Variants in CNTN5 observed in about 807,000 individuals in gnomAD.
CNTN5 encodes contactin 5.
In CNTN5, 77 loss-of-function variants were observed where a neutral mutation model predicts 129.1. That is an observed-to-expected ratio of 0.60 (90% CI 0.50 to 0.72). CNTN5 has a LOEUF of 0.72. Among genes scored for constraint, CNTN5 ranks in the 30% least tolerant of loss-of-function variants. CNTN5 has a pLI of 0.00. For missense variants in CNTN5, 1,478 were observed against 1,328.8 expected, an observed-to-expected ratio of 1.11 and a Z score of -1.75; for synonymous variants, 509 against 465.6, an observed-to-expected ratio of 1.09 and a Z score of -1.20.
intron 1 of CNTN5, among the ~76,000 whole-genome samples, chr11:99,129,617 A>G (rs1027178777): frequency 6.6e-6 from 1 of 152,154 alleles, no homozygotes; most frequent in East Asian, 1.9e-4. Context: ...AGAGAAACCC[A>G]GTAAGATATT....
chr11:99,157,704 C>A (rs1004601212), intron 1 of CNTN5, among the ~76,000 whole-genome samples: 9 of 152,124 alleles, frequency 5.9e-5, no homozygotes, highest in Admixed American at 5.9e-4. Flanking sequence ...TCTTAAGCTA[C>A]ATTTCTCAGT....
chr11:100,025,070 C>T (rs1941353521), intron 9 of CNTN5, among the ~76,000 whole-genome samples: 1 of 152,176 alleles, frequency 6.6e-6, no homozygotes, highest in Non-Finnish European at 1.5e-5. Flanking sequence ...GAGGTCTTCA[C>T]TGCAACCCTT....
At chr11:99,076,040 A>G (rs1402793298) in intron 1 of CNTN5, among the ~76,000 whole-genome samples, 2 of 152,106 alleles carry the variant, frequency 1.3e-5, no homozygotes, top group African/African-American at 2.4e-5. Context: ...AATACGAACT[A>G]CTTTACTTTT....
rs183026562 is a variant in CNTN5, at chr11:99,987,276, T to A, written c.878-14758T>A. 3.8e-3 allele frequency among the ~76,000 whole-genome samples: 572 copies of A among 152,074 alleles called. 3 individuals are homozygous for A. The highest frequency in any genetic ancestry group is 0.013 in the African/African-American group (550 of 41,514). On this transcript the variant is annotated intron_variant, in intron 8 of 24. Transcript: ENST00000524871. ...ATGTGGTTCCTGTCCTGGTTTAGTTTACAGCTAAAAGTGAAAACAGATATG... is the reference window on the plus strand; with the variant it reads ...ATGTGGTTCCTGTCCTGGTTTAGTTAACAGCTAAAAGTGAAAACAGATATG...
chr11:99,218,644 T>C (rs1860248532), intron 1 of CNTN5, among the ~76,000 whole-genome samples: 1 of 152,150 alleles, frequency 6.6e-6, no homozygotes, highest in African/African-American at 2.4e-5. Context: ...ATTTGGGTTT[T>C]GGGATAAAGA....
chr11:99,520,034 C>T (rs927870943), intron 2 of CNTN5, among the ~76,000 whole-genome samples: 1 of 152,066 alleles, frequency 6.6e-6, no homozygotes, highest in African/African-American at 2.4e-5. Flanking sequence ...GTTCACTGAA[C>T]CAGAATATTT....
intron 1 of CNTN5, among the ~76,000 whole-genome samples, chr11:99,172,531 A>G (rs1232805592): frequency 6.6e-6 from 1 of 152,224 alleles, no homozygotes; most frequent in Non-Finnish European, 1.5e-5. Flanking sequence ...TCATTGATAC[A>G]TTAACATCTC....
Position 99,253,802 on chromosome 11 carries a change from A to T in CNTN5, c.-209-71544A>T, listed in dbSNP as rs902238347. ...AGTTGATTGTATGTGTTTACTTTGC[A>T]CCCAGCAACTTTTATAAAACTCATT... On this transcript the variant is annotated intron_variant, in intron 1 of 24. Transcript: ENST00000524871. 2.0e-5 allele frequency among the ~76,000 whole-genome samples: 3 copies of T among 150,938 alleles called. No homozygotes were observed. In the East Asian group the frequency reaches 5.8e-4, roughly 29 times the overall value.
At chr11:99,844,633 C>T in intron 4 of CNTN5, 1 of 523,846 alleles carries the variant, frequency 1.9e-6, no homozygotes, top group Middle Eastern at 3.6e-4. Flanking sequence ...TTATGTATTA[C>T]ACGTTTAACA....
Position 99,185,755 on chromosome 11 carries a change from A to G in CNTN5, c.-209-139591A>G, listed in dbSNP as rs186683346. On this transcript the variant is annotated intron_variant, in intron 1 of 24. Coordinates refer to ENST00000524871, the MANE Select transcript of CNTN5 (RefSeq NM_014361.4). ...TATTTTTCTCTTTGGTGAAAAAAGG[A>G]GGGGAAATAAAATAAAGAGAAATGT... Among the ~76,000 whole-genome samples, 957 of 151,868 alleles carry G rather than the reference A, an allele frequency of 6.3e-3. 7 individuals carry two copies. Among genetic ancestry groups the G allele is most frequent in the African/African-American group, 0.022 (925 of 41,532 alleles).
chr11:99,773,009 T>G (rs1322744412), intron 3 of CNTN5, among the ~76,000 whole-genome samples: 1 of 152,070 alleles, frequency 6.6e-6, no homozygotes, highest in African/African-American at 2.4e-5. Flanking sequence ...TATAACTTAC[T>G]TATTATGCAC....
At chr11:99,869,169 G>A (rs564590057) in intron 6 of CNTN5, among the ~76,000 whole-genome samples, 1 of 152,064 alleles carries the variant, frequency 6.6e-6, no homozygotes, top group Non-Finnish European at 1.5e-5. Flanking sequence ...GTAGATTTTT[G>A]TTAGGTTTAG....
At chr11:99,026,244 A>T (rs1020120585) in intron 1 of CNTN5, among the ~76,000 whole-genome samples, 13 of 151,620 alleles carry the variant, frequency 8.6e-5, no homozygotes, top group African/African-American at 3.1e-4. Flanking sequence ...CTCATGTTTA[A>T]TCTGTTAGGT....
chr11:99,613,726 A>G (rs673561), intron 3 of CNTN5, among the ~76,000 whole-genome samples: 35,193 of 152,162 alleles, frequency 0.23, 4,565 homozygotes, highest in Middle Eastern at 0.33. Flanking sequence ...ATGATTCACC[A>G]TTTTTATTCT....
At chr11:100,129,705 G>A (rs1946311836) in intron 13 of CNTN5, among the ~76,000 whole-genome samples, 1 of 152,092 alleles carries the variant, frequency 6.6e-6, no homozygotes, top group Non-Finnish European at 1.5e-5. Flanking sequence ...CCAAGATGTT[G>A]CATATCACAG....
At chr11:99,325,709 T>C (rs1399643296) in intron 2 of CNTN5, among the ~76,000 whole-genome samples, 1 of 152,174 alleles carries the variant, frequency 6.6e-6, no homozygotes, top group African/African-American at 2.4e-5. Context: ...TTATTAAAAG[T>C]GAAACACAGT....
Position 99,073,680 on chromosome 11 carries a change from G to A in CNTN5, c.-210+52410G>A, listed in dbSNP as rs533089238. ...TTTTCTGTTCATGTGTTAGTTTGCTGAGGGTGATGGTTTCCAGCTTCTTCC... is the reference window on the plus strand; with the variant it reads ...TTTTCTGTTCATGTGTTAGTTTGCTAAGGGTGATGGTTTCCAGCTTCTTCC... On this transcript the variant is annotated intron_variant, in intron 1 of 24. Coordinates refer to ENST00000524871, the MANE Select transcript of CNTN5 (RefSeq NM_014361.4). 2.9e-3 allele frequency among the ~76,000 whole-genome samples: 434 copies of A among 152,140 alleles called. 3 individuals carry two copies. Among genetic ancestry groups the A allele is most frequent in the African/African-American group, 9.6e-3 (399 of 41,530 alleles).
chr11:99,914,681 A>G (rs749738747), intron 6 of CNTN5, among the ~76,000 whole-genome samples: 3 of 152,110 alleles, frequency 2.0e-5, no homozygotes, highest in Non-Finnish European at 4.4e-5. Flanking sequence ...TTAACTGTTT[A>G]TAAAGAAACA....
intron 3 of CNTN5, among the ~76,000 whole-genome samples, chr11:99,577,064 G>C (rs12289017): frequency 0.09 from 13,759 of 152,034 alleles, 969 homozygotes; most frequent in African/African-American, 0.2. Flanking sequence ...TCAAAGTTTC[G>C]GTAGAGGTCT....
Sources: gnomAD v4.1 joint callset for allele counts (sites outside exome capture counted in the v4.1 genomes callset) on GRCh38, gnomAD v4.1.1 for gene constraint, MANE v1.5 for transcripts, NCBI Gene and HGNC (gene_info 2026-07-23, HGNC 2026-07-21) for gene names.